CLMP: variants seen among roughly 807,000 people sequenced by gnomAD.
The protein encoded by CLMP is CXADR-like membrane protein.
A neutral mutation model predicts 45.2 loss-of-function variants in CLMP; 27 were observed. That is an observed-to-expected ratio of 0.60 (90% CI 0.44 to 0.82). The LOEUF (loss-of-function observed/expected upper bound fraction) is 0.82, where lower values mean the gene tolerates loss of function less well. CLMP is among the 40% of genes least tolerant of loss of function. CLMP has a pLI of 0.00. For synonymous variants in CLMP, 167 were observed against 171.4 expected (o/e 0.97, Z 0.20); for missense variants, 403 against 448.4 (o/e 0.90, Z 0.91).
chr11:123,074,553 G>A, intron 6 of CLMP, 149 bp downstream of exon 6: 3 of 762,786 alleles, frequency 3.9e-6, no homozygotes, highest in East Asian at 2.5e-5. Context: ...CATACCCTCT[G>A]TCCCTAGGCT....
At chr11:123,098,989 G>A (rs1040831501) in intron 1 of CLMP, among the ~76,000 whole-genome samples, 2 of 152,026 alleles carry the variant, frequency 1.3e-5, no homozygotes, top group African/African-American at 2.4e-5. Flanking sequence ...CACCGCGTCC[G>A]GCCGTGCTGG....
intron 1 of CLMP, among the ~76,000 whole-genome samples, chr11:123,151,076 T>C (rs1254490727): frequency 6.6e-6 from 1 of 152,186 alleles, no homozygotes; most frequent in East Asian, 1.9e-4. Flanking sequence ...TTTCGGTGGC[T>C]CCTGCCACGT....
intron 1 of CLMP, among the ~76,000 whole-genome samples, chr11:123,116,410 T>C (rs890058682): frequency 7.9e-5 from 12 of 151,466 alleles, no homozygotes; most frequent in African/African-American, 2.7e-4. Context: ...ATACTAAAAG[T>C]ACAAAAAATT....
chr11:123,137,279 G>A (rs1861089943), intron 1 of CLMP, among the ~76,000 whole-genome samples: 3 of 147,488 alleles, frequency 2.0e-5, no homozygotes, highest in African/African-American at 2.5e-5. Flanking sequence ...TCAGCCTCCC[G>A]AGTAGCTGGG....
chr11:123,165,985 G>T (rs1435220187), intron 1 of CLMP, among the ~76,000 whole-genome samples: 1 of 152,100 alleles, frequency 6.6e-6, no homozygotes, highest in Non-Finnish European at 1.5e-5. Context: ...TGCTTAAAAA[G>T]GTCTTAAATT....
intron 1 of CLMP, among the ~76,000 whole-genome samples, chr11:123,159,501 C>T (rs577785597): frequency 8.5e-5 from 13 of 152,230 alleles, no homozygotes; most frequent in Non-Finnish European, 1.3e-4. Flanking sequence ...TGAATGAGAA[C>T]ATGAGAACCT....
chr11:123,140,528 T>C (rs1861138990), intron 1 of CLMP, among the ~76,000 whole-genome samples: 1 of 152,032 alleles, frequency 6.6e-6, no homozygotes, highest in South Asian at 2.1e-4. Context: ...CTGGTGTTTC[T>C]ATTGTTCTTC....
At chr11:123,148,214 G>GC in intron 1 of CLMP, among the ~76,000 whole-genome samples, 2 of 152,292 alleles carry the variant, frequency 1.3e-5, no homozygotes, top group East Asian at 3.9e-4. Context: ...TATGTTTAGG[G>GC]CCGCAGGGCT....
intron 6 of CLMP, among the ~76,000 whole-genome samples, chr11:123,074,103 C>T (rs919579453): frequency 1.3e-5 from 2 of 151,930 alleles, no homozygotes; most frequent in African/African-American, 4.8e-5. Context: ...TCATTGTATG[C>T]CCATTATGGG....
chr11:123,114,125 G>A (rs192166759), intron 1 of CLMP, among the ~76,000 whole-genome samples: 142 of 152,204 alleles, frequency 9.3e-4, no homozygotes, highest in African/African-American at 3.2e-3. Flanking sequence ...AGAGAGATTC[G>A]AACAGAGGCA....
intron 1 of CLMP, among the ~76,000 whole-genome samples, chr11:123,183,375 C>T (rs945216833): frequency 6.6e-6 from 1 of 152,072 alleles, no homozygotes; most frequent in African/African-American, 2.4e-5. Flanking sequence ...GGATTACAGG[C>T]ACCCACCATC....
chr11:123,179,795 A>C (rs932799281), intron 1 of CLMP, among the ~76,000 whole-genome samples: 1 of 152,316 alleles, frequency 6.6e-6, no homozygotes, highest in East Asian at 1.9e-4. Flanking sequence ...CCTTGGCTGG[A>C]GTCCCAACTC....
intron 2 of CLMP, among the ~76,000 whole-genome samples, chr11:123,087,942 C>T (rs952610905): frequency 2.8e-4 from 42 of 150,436 alleles, no homozygotes; most frequent in African/African-American, 9.7e-4. Flanking sequence ...CGGAGTTTCA[C>T]TCTTTTTGCC....
At chr11:123,080,326 C>T (rs1461204465) in intron 5 of CLMP, among the ~76,000 whole-genome samples, 1 of 136,278 alleles carries the variant, frequency 7.3e-6, no homozygotes, top group African/African-American at 2.7e-5. Context: ...TGAAGGTGTA[C>T]TTTTTTTTTT....
chr11:123,160,732 C>G (rs1861475745), intron 1 of CLMP, among the ~76,000 whole-genome samples: 1 of 151,972 alleles, frequency 6.6e-6, no homozygotes, highest in African/African-American at 2.4e-5. Context: ...AATCCCAGAA[C>G]TTTGGGAGGC....
In CLMP at chr11:123,073,480, C is replaced by T. The variant is rs537447169; in HGVS notation, c.1116G>A (p.Thr372=). 1.2e-5 allele frequency: 20 copies of T among 1,608,128 alleles called. No individual in the cohort carries two copies. The highest frequency in any genetic ancestry group is 6.6e-5 in the South Asian group (6 of 90,536). The part of the protein sequence containing the change: ...MIPSQSRAFQ[T]V The stretch of plus-strand genomic sequence containing the variant: ...GAGTCAAGTCCATTGTAATTCAGAC[C>T]GTTTGGAAGGCTCTGCTCTGGCTGG... Residue 372 remains threonine, a synonymous_variant, in exon 7 of 7, where the codon ACG becomes ACA. Coordinates refer to ENST00000448775, the MANE Select transcript of CLMP (RefSeq NM_024769.5).
intron 1 of CLMP, among the ~76,000 whole-genome samples, chr11:123,107,989 CAGTG>C (rs111966692): frequency 0.1 from 15,617 of 152,102 alleles, 880 homozygotes; most frequent in East Asian, 0.16. Flanking sequence ...AGGAAGACTG[CAGTG>C]AGTAAGGATG....
intron 1 of CLMP, among the ~76,000 whole-genome samples, chr11:123,101,751 T>A (rs1021346788): frequency 1.3e-5 from 2 of 152,358 alleles, no homozygotes; most frequent in African/African-American, 4.8e-5. Context: ...GGTTACAGTT[T>A]AAATGATAAC....
intron 3 of CLMP, among the ~76,000 whole-genome samples, 180 bp from the exon 4 acceptor site, chr11:123,084,027 C>G (rs1400341389): frequency 6.6e-6 from 1 of 152,208 alleles, no homozygotes; most frequent in African/African-American, 2.4e-5. Context: ...ACCTCCATCC[C>G]CTAAGCACAC....
Sources: gnomAD v4.1 joint callset for allele counts (sites outside exome capture counted in the v4.1 genomes callset) on GRCh38, gnomAD v4.1.1 for gene constraint, MANE v1.5 for transcripts, NCBI Gene and HGNC (gene_info 2026-07-23, HGNC 2026-07-21) for gene names.